Variants in RGPD4 observed in about 807,000 individuals in gnomAD.
The protein encoded by RGPD4 is RANBP2 like and GRIP domain containing 4.
In RGPD4, 84 loss-of-function variants were observed where a neutral mutation model predicts 141.1. The observed-to-expected ratio is 0.60, with a 90% CI of 0.50 to 0.71. The LOEUF (loss-of-function observed/expected upper bound fraction) is 0.71, where lower values mean the gene tolerates loss of function less well. Among genes scored for constraint, RGPD4 ranks in the 30% least tolerant of loss-of-function variants. RGPD4 has a pLI of 0.00. For missense variants in RGPD4, 918 were observed against 1,622.4 expected (o/e 0.57, Z 7.46); for synonymous variants, 298 against 566.8 (o/e 0.53, Z 6.74).
At chr2:107,844,060 A>G (rs1356637235) in intron 6 of RGPD4, among the ~76,000 whole-genome samples, 2 of 144,510 alleles carry the variant, frequency 1.4e-5, no homozygotes, top group East Asian at 3.9e-4. Context: ...TTATAATAGT[A>G]TAATCTTGAG....
rs1168470853 is a variant in RGPD4, at chr2:107,831,533, C to T, written c.72+4448C>T. On this transcript the variant is annotated intron_variant, in intron 1 of 22. Coordinates refer to ENST00000408999, the MANE Select transcript of RGPD4 (RefSeq NM_182588.3). ...TATATACTTTTGTTATTTTTAATTC[C>T]CTTTCTCCCATTTTAGACATTTTCT... is the stretch of plus-strand genomic sequence containing the variant. Among the ~76,000 whole-genome samples, 7 of 149,466 alleles carry T rather than the reference C, an allele frequency of 4.7e-5. No individual in the cohort carries two copies. The South Asian group carries it at 6.3e-4, about 14-fold the overall frequency.
intron 1 of RGPD4, among the ~76,000 whole-genome samples, chr2:107,829,876 A>G (rs1427457251): frequency 6.7e-6 from 1 of 149,056 alleles, no homozygotes; most frequent in South Asian, 2.1e-4. Context: ...GTTTCTTCCC[A>G]TCTCCTGGAC....
At chr2:107,830,039 T>A (rs920108641) in intron 1 of RGPD4, among the ~76,000 whole-genome samples, 1 of 151,996 alleles carries the variant, frequency 6.6e-6, no homozygotes, top group African/African-American at 2.4e-5. Context: ...ACGGCGCAAA[T>A]GACACGGAAA....
chr2:107,833,246 A>G lies in RGPD4; in HGVS notation c.73-3356A>G, dbSNP rs946178996. ...AGACTCCGTTTGAATTAAAAAAAAA[A>G]AGAGAGAAATTTAGAACTGCATAAT... On this transcript the variant is annotated intron_variant, in intron 1 of 22. Transcript: ENST00000408999. Among the ~76,000 whole-genome samples the G allele has an allele frequency of 5.7e-3, 864 of 152,194 alleles. 12 individuals are homozygous for G. The highest frequency in any genetic ancestry group is 0.019 in the African/African-American group (791 of 41,470).
At chr2:107,828,251 C>A (rs1573453519) in intron 1 of RGPD4, among the ~76,000 whole-genome samples, 2 of 42,212 alleles carry the variant, frequency 4.7e-5, no homozygotes, top group East Asian at 7.5e-4. Flanking sequence ...CGGCGGCGGC[C>A]TCGATGGCTC....
At chr2:107,834,773 A>C (rs1326593382) in intron 1 of RGPD4, among the ~76,000 whole-genome samples, 8 of 123,296 alleles carry the variant, frequency 6.5e-5, no homozygotes, top group African/African-American at 2.3e-4. Context: ...GTAAGAACAA[A>C]TCTTTTGTCC....
rs1338374499 is a variant in RGPD4, at chr2:107,852,228, G to A, written c.979-2328G>A. Among the ~76,000 whole-genome samples the A allele has an allele frequency of 3.1e-3, 365 of 118,940 alleles. 3 individuals carry two copies. Among genetic ancestry groups the A allele is most frequent in the East Asian group, 1.1e-3 (5 of 4,668 alleles). 78.0% of individuals were successfully genotyped at this position (118,940 alleles called of 152,430 possible). ...TGCAGCACTGCAGCACTGCAGCCTG[G>A]CAACAGAGCGAGACTCCATCTCAAA... On this transcript the variant is annotated intron_variant, in intron 7 of 22. Coordinates refer to ENST00000408999, the MANE Select transcript of RGPD4 (RefSeq NM_182588.3).
chr2:107,877,977 T>C (rs1360109028), intron 20 of RGPD4, among the ~76,000 whole-genome samples: 7 of 151,416 alleles, frequency 4.6e-5, no homozygotes, highest in African/African-American at 1.2e-4. Flanking sequence ...CGTGCCTGGC[T>C]AATTTTTGCA....
At chr2:107,870,682 A>C (rs1352815095) in intron 19 of RGPD4, 23 bp from the exon 20 acceptor site, 1 of 1,568,634 alleles carries the variant, frequency 6.4e-7, no homozygotes, top group Admixed American at 1.8e-5. Context: ...GATCAAGAAA[A>C]TTCACCTTCA....
intron 7 of RGPD4, among the ~76,000 whole-genome samples, chr2:107,853,404 G>T (rs1682182701): frequency 7.3e-6 from 1 of 136,758 alleles, no homozygotes; most frequent in African/African-American, 2.7e-5. Context: ...GAAGGCAGCT[G>T]TCACGTCTTC....
chr2:107,827,096 C>A lies in RGPD4; in HGVS notation c.72+11C>A, dbSNP rs767553541. 1 of 1,586,694 alleles carries A rather than the reference C, an allele frequency of 6.3e-7. No homozygotes were observed. Among genetic ancestry groups the A allele is most frequent in the Non-Finnish European group, 8.6e-7 (1 of 1,168,072 alleles). ...CCGTCGCCTCGAAAGGTGAGTGGAT[C>A]TCGAAGAGACCGACGGCCTCGACCT... On this transcript the variant is annotated intron_variant, in intron 1 of 22. Transcript: ENST00000408999.
chr2:107,880,412 C>T (rs527492860), intron 21 of RGPD4, among the ~76,000 whole-genome samples: 1,529 of 150,316 alleles, frequency 0.01, 11 homozygotes, highest in Non-Finnish European at 0.017. Context: ...TACAGGTGCC[C>T]GCCAACATGC....
chr2:107,877,688 T>G (rs1321740610), intron 20 of RGPD4, among the ~76,000 whole-genome samples: 2 of 151,534 alleles, frequency 1.3e-5, no homozygotes, highest in Non-Finnish European at 2.9e-5. Flanking sequence ...TCTAAATTAA[T>G]AAAAAATAAG....
At position 107,871,029 on chromosome 2, in the gene RGPD4, G is replaced by A. The variant is rs561933655; in HGVS notation, c.3025G>A (p.Gly1009Ser). 1,204 of 1,610,982 alleles carry A rather than the reference G, an allele frequency of 7.5e-4. 33 individuals carry two copies. In the African/African-American group the frequency reaches 0.013, roughly 17 times the overall value. Reference protein sequence around the residue: ...AGEKLFSSQCGKMANKANTSG... With the variant: ...AGEKLFSSQCSKMANKANTSG... ...AGAAAAATTATTCTCATCACAATGC[G>A]GTAAAATGGCCAATAAAGCAAACAC... The change falls in exon 20 of 23, where the codon GGT becomes AGT. Residue 1009 changes from glycine to serine, a missense_variant. Transcript: ENST00000408999.
chr2:107,885,508 T>C lies in RGPD4; in HGVS notation c.5266+2635T>C, dbSNP rs533334245. Among the ~76,000 whole-genome samples the C allele has an allele frequency of 3.9e-5, 6 of 152,210 alleles. No individual in the cohort carries two copies. The South Asian group carries it at 1.0e-3, about 26-fold the overall frequency. On this transcript the variant is annotated intron_variant, in intron 22 of 22. Coordinates refer to ENST00000408999, the MANE Select transcript of RGPD4 (RefSeq NM_182588.3). ...TTAGAAGTTCTAAAAGAGACTAACCTAAGGGATACCAAGAACAGATATTTT... is the reference window on the plus strand; with the variant it reads ...TTAGAAGTTCTAAAAGAGACTAACCCAAGGGATACCAAGAACAGATATTTT...
rs766063682 is a variant in RGPD4 at position 107,827,071 on chromosome 2, C to T, written c.58C>T (p.Pro20Ser). The stretch of plus-strand genomic sequence containing the variant: ...CGTCGCCTCCGTGCAGGGCTCCGCC[C>T]CGTCGCCTCGAAAGGTGAGTGGATC... ...RYVASVQGSA[P>S]SPRKKSTRGF... Residue 20 changes from proline (P) to serine (S), a missense_variant, in exon 1 of 23, where the codon CCG becomes TCG. By Grantham distance (74) the Pro-to-Ser change is moderately conservative (BLOSUM62 -1). Coordinates refer to ENST00000408999, the MANE Select transcript of RGPD4 (RefSeq NM_182588.3). The T allele has an allele frequency of 6.3e-7, 1 of 1,591,770 alleles. No individual in the cohort carries two copies. Among genetic ancestry groups the T allele is most frequent in the Non-Finnish European group, 8.5e-7 (1 of 1,170,458 alleles).
chr2:107,888,506 C>G (rs558595785), intron 22 of RGPD4, among the ~76,000 whole-genome samples: 2,171 of 151,376 alleles, frequency 0.014, 52 homozygotes, highest in African/African-American at 0.049. Context: ...CTTCTACTTT[C>G]TAGAAGTTCT....
chr2:107,867,183 T>C (rs1337884041), intron 18 of RGPD4, among the ~76,000 whole-genome samples: 4 of 149,332 alleles, frequency 2.7e-5, no homozygotes, highest in Non-Finnish European at 4.5e-5. Context: ...CTTGCCAGTA[T>C]AATACATTGC....
chr2:107,831,508 T>C (rs868685178), intron 1 of RGPD4, among the ~76,000 whole-genome samples: 2 of 149,556 alleles, frequency 1.3e-5, no homozygotes, highest in South Asian at 4.2e-4. Flanking sequence ...GTAACACACA[T>C]ATATACTTTT....
Sources: gnomAD v4.1 joint callset for allele counts (sites outside exome capture counted in the v4.1 genomes callset) on GRCh38, gnomAD v4.1.1 for gene constraint, MANE v1.5 for transcripts, NCBI Gene and HGNC (gene_info 2026-07-23, HGNC 2026-07-21) for gene names.